KALRN: variants seen among roughly 807,000 people sequenced by gnomAD.
KALRN encodes the protein kalirin.
In KALRN, 70 loss-of-function variants were observed where a neutral mutation model predicts 353.7. That is an observed-to-expected ratio of 0.20 (90% CI 0.16 to 0.24). The LOEUF (loss-of-function observed/expected upper bound fraction) is 0.24. Among genes scored for constraint, KALRN ranks in the 10% least tolerant of loss-of-function variants. The pLI, the probability that KALRN is intolerant of heterozygous loss-of-function variation, is 1.00. For synonymous variants in KALRN, 1,391 were observed against 1,434.8 expected, an observed-to-expected ratio of 0.97 and a Z score of 0.69; for missense variants, 2,791 against 3,756.7, an observed-to-expected ratio of 0.74 and a Z score of 6.72.
At chr3:124,409,403 C>T (rs1325743357) in intron 13 of KALRN, among the ~76,000 whole-genome samples, 1 of 152,150 alleles carries the variant, frequency 6.6e-6, no homozygotes, top group African/African-American at 2.4e-5. Flanking sequence ...GCAAACTAAC[C>T]CATGACCCAT....
chr3:124,299,019 A>G, intron 6 of KALRN, 106 bp downstream of exon 6: 1 of 1,431,104 alleles, frequency 7.0e-7, no homozygotes, highest in Admixed American at 1.7e-5. Flanking sequence ...AACTGTGAAC[A>G]TGCTGACCCT....
At chr3:124,042,696 C>G (rs539054826) in intron 1 of KALRN, among the ~76,000 whole-genome samples, 13 of 152,126 alleles carry the variant, frequency 8.5e-5, no homozygotes, top group African/African-American at 2.9e-4. Context: ...AGAGGAGGAG[C>G]AGCTGTGGGG....
chr3:124,543,685 T>A (rs1577858412), intron 33 of KALRN, among the ~76,000 whole-genome samples: 2 of 134,676 alleles, frequency 1.5e-5, no homozygotes, highest in East Asian at 4.0e-4. Context: ...AATCAGCAGG[T>A]TTTTTTTTTT....
chr3:124,678,308 G>C lies in KALRN; in HGVS notation c.7312G>C (p.Val2438Leu), dbSNP rs369756088. 14 of 1,613,514 alleles carry C rather than the reference G, an allele frequency of 8.7e-6. No individual in the cohort carries two copies. Among genetic ancestry groups the C allele is most frequent in the South Asian group, 2.2e-5 (2 of 91,070 alleles). ...GGATATTCTGGGCAACAAAGTCTCTGTTAAAGTGAGTAAGGTATTCCGGAG... is the reference window on the plus strand; with the variant it reads ...GGATATTCTGGGCAACAAAGTCTCTCTTAAAGTGAGTAAGGTATTCCGGAG... ...PKDILGNKVSVKETNSSEESE... is the reference protein window; with the variant it reads ...PKDILGNKVSLKETNSSEESE... The change falls in exon 50 of 60, where the codon GTT (valine) becomes CTT (leucine). Residue 2438 changes from valine (V) to leucine (L), a missense_variant. Around this residue, in one of 11 missense-constraint regions of KALRN, gnomAD observed 1,065 missense variants for 1,156.4 expected, o/e 0.92. Transcript: ENST00000682506.
At chr3:124,676,993 T>A (rs2087266616) in intron 49 of KALRN, among the ~76,000 whole-genome samples, 1 of 152,224 alleles carries the variant, frequency 6.6e-6, no homozygotes, top group Non-Finnish European at 1.5e-5. Context: ...AGGTTGAACC[T>A]GTGTGTTAGC....
intron 1 of KALRN, among the ~76,000 whole-genome samples, chr3:124,040,140 C>A (rs925966449): frequency 6.6e-6 from 1 of 151,974 alleles, no homozygotes; most frequent in Non-Finnish European, 1.5e-5. Flanking sequence ...TTTGATAATC[C>A]CTTGAGGGAT....
At chr3:124,341,080 A>T (rs906784415) in intron 9 of KALRN, among the ~76,000 whole-genome samples, 4 of 152,236 alleles carry the variant, frequency 2.6e-5, no homozygotes, top group Admixed American at 2.0e-4. Flanking sequence ...ACACAATTAG[A>T]TGAGGAAGAA....
intron 34 of KALRN, among the ~76,000 whole-genome samples, chr3:124,580,384 G>GGGT (rs1398227667): frequency 6.7e-6 from 1 of 148,662 alleles, no homozygotes; most frequent in Non-Finnish European, 1.5e-5. Flanking sequence ...GGGGAGGGGG[G>GGGT]ACTCAGGCAG....
chr3:124,429,790 A>G (rs1305969722), intron 15 of KALRN, among the ~76,000 whole-genome samples: 1 of 152,218 alleles, frequency 6.6e-6, no homozygotes, highest in African/African-American at 2.4e-5. Flanking sequence ...TGGCCTCTAA[A>G]TAATTTAAGT....
intron 10 of KALRN, among the ~76,000 whole-genome samples, chr3:124,349,198 A>T (rs576281324): frequency 6.6e-6 from 1 of 152,242 alleles, no homozygotes; most frequent in Non-Finnish European, 1.5e-5. Flanking sequence ...CCTTGAAGAC[A>T]TTATACTAAG....
chr3:124,541,785 G>A (rs1216508524), intron 33 of KALRN, among the ~76,000 whole-genome samples: 11 of 150,414 alleles, frequency 7.3e-5, no homozygotes, highest in African/African-American at 2.0e-4. Context: ...CCAGCTACTC[G>A]GGAGGCTGAG....
At chr3:124,416,520 GT>G in intron 14 of KALRN, among the ~76,000 whole-genome samples, 1 of 152,256 alleles carries the variant, frequency 6.6e-6, no homozygotes, top group African/African-American at 2.4e-5. Context: ...ACAGCTAGCT[GT>G]TTAGTCTGGC....
chr3:124,063,500 T>A (rs1414968754), intron 1 of KALRN, among the ~76,000 whole-genome samples: 3 of 152,036 alleles, frequency 2.0e-5, no homozygotes, highest in Non-Finnish European at 4.4e-5. Flanking sequence ...AAGGAAGTGA[T>A]GTGGGTGCGA....
chr3:124,485,425 T>C (rs2062450200), intron 28 of KALRN, among the ~76,000 whole-genome samples: 1 of 152,218 alleles, frequency 6.6e-6, no homozygotes, highest in African/African-American at 2.4e-5. Flanking sequence ...GAGGATGGAA[T>C]AGGCTTGTGT....
At chr3:124,230,633 G>C (rs189035849) in intron 2 of KALRN, among the ~76,000 whole-genome samples, 65 of 152,144 alleles carry the variant, frequency 4.3e-4, no homozygotes, top group Admixed American at 3.5e-3. Flanking sequence ...TAGGACGAAG[G>C]GGGCTGGGAG....
intron 34 of KALRN, among the ~76,000 whole-genome samples, chr3:124,569,807 G>T (rs1005208314): frequency 2.6e-5 from 4 of 152,010 alleles, no homozygotes; most frequent in African/African-American, 9.7e-5. Context: ...CTCACCTCTG[G>T]CCCCAAATGC....
At chr3:124,192,601 C>G (rs1207726886) in intron 1 of KALRN, among the ~76,000 whole-genome samples, 1 of 152,150 alleles carries the variant, frequency 6.6e-6, no homozygotes, top group African/African-American at 2.4e-5. Context: ...GCTTATTTCA[C>G]GTTACATGCC....
Position 124,337,863 on chromosome 3 carries a change from G to A in KALRN, c.1647+3368G>A, listed in dbSNP as rs140887491. 6.2e-3 allele frequency among the ~76,000 whole-genome samples: 937 copies of A among 152,106 alleles called. 9 individuals are homozygous for A. The highest frequency in any genetic ancestry group is 0.021 in the African/African-American group (892 of 41,506). On this transcript the variant is annotated intron_variant, in intron 9 of 59. Transcript: ENST00000682506. Reference sequence around the variant, plus strand: ...TCAGGGATTCAACTTCTTTAGTCTTGGGAGGATGTATGTGCCCAGGAATTT... The same window carrying A: ...TCAGGGATTCAACTTCTTTAGTCTTAGGAGGATGTATGTGCCCAGGAATTT...
chr3:124,388,608 A>G (rs1275449258), intron 11 of KALRN, among the ~76,000 whole-genome samples: 1 of 152,224 alleles, frequency 6.6e-6, no homozygotes, highest in Non-Finnish European at 1.5e-5. Flanking sequence ...AAGAAGAAAA[A>G]TGAGGGAAGA....
Sources: gnomAD v4.1 joint callset for allele counts (sites outside exome capture counted in the v4.1 genomes callset) on GRCh38, gnomAD v4.1.1 for gene constraint, gnomAD v4.1.1 regional missense constraint, MANE v1.5 for transcripts, NCBI Gene and HGNC (gene_info 2026-07-23, HGNC 2026-07-21) for gene names.